Variants in ERP44 observed in about 807,000 individuals in gnomAD.
ERP44 encodes the protein endoplasmic reticulum resident protein 44.
In ERP44, 25 loss-of-function variants were observed where a neutral mutation model predicts 53.4. That is an observed-to-expected ratio of 0.47 (90% CI 0.34 to 0.65). ERP44 has a LOEUF of 0.65. Among genes scored for constraint, ERP44 ranks in the 30% least tolerant of loss-of-function variants. ERP44 has a pLI of 0.01. For synonymous variants in ERP44, 145 were observed against 161.2 expected (o/e 0.90, Z 0.76); for missense variants, 338 against 493.2 (o/e 0.69, Z 2.98).
At chr9:100,027,055 G>A (rs1830661027) in intron 4 of ERP44, among the ~76,000 whole-genome samples, 2 of 152,104 alleles carry the variant, frequency 1.3e-5, no homozygotes, top group African/African-American at 4.8e-5. Flanking sequence ...GGTTAGAGAC[G>A]GACTCTAGAG....
At chr9:100,081,107 G>T (rs1826417649) in intron 1 of ERP44, among the ~76,000 whole-genome samples, 1 of 151,834 alleles carries the variant, frequency 6.6e-6, no homozygotes, top group Non-Finnish European at 1.5e-5. Flanking sequence ...ATTATAAAAG[G>T]TTTAACTGAT....
At chr9:100,006,364 A>C (rs1830425392) in intron 10 of ERP44, 142 bp downstream of exon 10, 2 of 612,428 alleles carry the variant, frequency 3.3e-6, no homozygotes, top group Non-Finnish European at 2.8e-6. Flanking sequence ...GAAAAAAAGC[A>C]GCAGTCACCC....
intron 1 of ERP44, among the ~76,000 whole-genome samples, chr9:100,068,369 C>T (rs1224780535): frequency 3.2e-5 from 4 of 125,096 alleles, no homozygotes; most frequent in Admixed American, 1.5e-4. Context: ...CCGCCCCGTC[C>T]GGGAGGGAGG....
At chr9:100,077,282 T>C (rs899663800) in intron 1 of ERP44, among the ~76,000 whole-genome samples, 2 of 152,282 alleles carry the variant, frequency 1.3e-5, no homozygotes, top group Non-Finnish European at 2.9e-5. Flanking sequence ...ACTAAAGAAG[T>C]GTGGCAGTGG....
At chr9:100,076,417 G>T (rs1373327098) in intron 1 of ERP44, among the ~76,000 whole-genome samples, 1 of 152,196 alleles carries the variant, frequency 6.6e-6, no homozygotes, top group Non-Finnish European at 1.5e-5. Context: ...GACAGAGGAA[G>T]AGAAGACTAG....
intron 4 of ERP44, among the ~76,000 whole-genome samples, chr9:100,044,849 T>G (rs1421509993): frequency 1.3e-5 from 2 of 152,210 alleles, no homozygotes; most frequent in African/African-American, 4.8e-5. Flanking sequence ...AATTGCATTT[T>G]TATTTATATA....
At chr9:100,073,223 C>T (rs531132173) in intron 1 of ERP44, among the ~76,000 whole-genome samples, 1 of 152,258 alleles carries the variant, frequency 6.6e-6, no homozygotes, top group Non-Finnish European at 1.5e-5. Flanking sequence ...AAGAATTTCA[C>T]ATTCTATAGC....
chr9:100,077,434 G>A (rs1419064199), intron 1 of ERP44, among the ~76,000 whole-genome samples: 1 of 152,168 alleles, frequency 6.6e-6, no homozygotes, highest in South Asian at 2.1e-4. Context: ...CTCGGGCAAA[G>A]TTCTCCAGAA....
intron 1 of ERP44, among the ~76,000 whole-genome samples, chr9:100,084,584 G>A (rs1016845351): frequency 6.6e-6 from 1 of 152,162 alleles, no homozygotes; most frequent in African/African-American, 2.4e-5. Flanking sequence ...ATTGTGCCCT[G>A]AAGACACCCT....
At chr9:100,047,562 T>C (rs1318359538) in intron 4 of ERP44, among the ~76,000 whole-genome samples, 1 of 152,058 alleles carries the variant, frequency 6.6e-6, no homozygotes. Context: ...AAAAATTAAC[T>C]CAAAATAAAT....
chr9:99,995,081 A>C (rs1830297117), intron 10 of ERP44, among the ~76,000 whole-genome samples: 1 of 152,020 alleles, frequency 6.6e-6, no homozygotes, highest in South Asian at 2.1e-4. Flanking sequence ...ATACCTAGGT[A>C]GTTTTTTTTT....
chr9:100,016,847 G>A (rs537435687), intron 7 of ERP44, among the ~76,000 whole-genome samples: 2 of 152,286 alleles, frequency 1.3e-5, no homozygotes, highest in East Asian at 3.9e-4. Context: ...GATTACCAGG[G>A]AGCTAATAAT....
intron 4 of ERP44, among the ~76,000 whole-genome samples, chr9:100,051,926 CA>C (rs1826042364): frequency 6.6e-6 from 1 of 152,094 alleles, no homozygotes; most frequent in Non-Finnish European, 1.5e-5. Context: ...TAATTAGACT[CA>C]AAAATAGTCT....
At position 100,067,270 on chromosome 9, in the gene ERP44, C is replaced by T. The variant is rs1011456271; in HGVS notation, c.58-7098G>A. 4.6e-5 allele frequency among the ~76,000 whole-genome samples: 7 copies of T among 152,316 alleles called. No homozygotes were observed. In the East Asian group the frequency reaches 1.4e-3, roughly 29 times the overall value. On this transcript the variant is annotated intron_variant, in intron 1 of 11. Transcript: ENST00000262455. Reference sequence around the variant, plus strand: ...AAGCTGGACTGTACTGCTGCCATCTCGGCTCACTGCAACCTCCCTGCCTGA... The same window carrying T: ...AAGCTGGACTGTACTGCTGCCATCTTGGCTCACTGCAACCTCCCTGCCTGA...
At chr9:100,078,426 C>G (rs908226284) in intron 1 of ERP44, among the ~76,000 whole-genome samples, 11 of 148,292 alleles carry the variant, frequency 7.4e-5, no homozygotes, top group Non-Finnish European at 1.2e-4. Context: ...CCTCTGCACT[C>G]CAGCCTGGGT....
At chr9:100,039,762 T>C (rs1214504300) in intron 4 of ERP44, among the ~76,000 whole-genome samples, 2 of 151,880 alleles carry the variant, frequency 1.3e-5, no homozygotes, top group Non-Finnish European at 1.5e-5. Context: ...TTTTACAAAA[T>C]TGACAAACCT....
At position 99,982,551 on chromosome 9, in the gene ERP44, C is replaced by T; in HGVS notation, c.*61G>A. 2.7e-6 allele frequency: 2 copies of T among 736,502 alleles called. No homozygotes were observed. The highest frequency in any genetic ancestry group is 4.2e-6 in the Non-Finnish European group (2 of 481,696). 45.6% of individuals were successfully genotyped at this position (736,502 alleles called of 1,614,324 possible). ...ATAGAATTATGAAAATATAGGTTTACTATTTCCACCACGTAGGTTGATGCT... is the reference window on the plus strand; with the variant it reads ...ATAGAATTATGAAAATATAGGTTTATTATTTCCACCACGTAGGTTGATGCT... On this transcript the variant is annotated 3_prime_UTR_variant, in exon 12 of 12. Coordinates refer to ENST00000262455, the MANE Select transcript of ERP44 (RefSeq NM_015051.3).
chr9:100,029,456 G>A (rs548347511), intron 4 of ERP44, among the ~76,000 whole-genome samples: 1 of 152,088 alleles, frequency 6.6e-6, no homozygotes, highest in Non-Finnish European at 1.5e-5. Context: ...CATACAAATC[G>A]AAACCACAAT....
intron 4 of ERP44, 67 bp from the exon 5 acceptor site, chr9:100,022,293 C>A: frequency 7.7e-7 from 1 of 1,305,668 alleles, no homozygotes; most frequent in South Asian, 1.8e-5. Context: ...GCCTAATGGT[C>A]AAAAATCTTA....
Sources: gnomAD v4.1 joint callset for allele counts (sites outside exome capture counted in the v4.1 genomes callset) on GRCh38, gnomAD v4.1.1 for gene constraint, MANE v1.5 for transcripts, NCBI Gene and HGNC (gene_info 2026-07-23, HGNC 2026-07-21) for gene names.